TNPO1: variants seen among roughly 807,000 people sequenced by gnomAD.
TNPO1 encodes the protein transportin-1.
A neutral mutation model predicts 119.5 loss-of-function variants in TNPO1; 8 were observed. The ratio of observed to expected loss-of-function variants is 0.07; its 90% CI spans 0.04 to 0.12. The LOEUF (loss-of-function observed/expected upper bound fraction) is 0.12. TNPO1 is among the 10% of genes least tolerant of loss of function. The pLI is 1.00. For synonymous variants in TNPO1, 362 were observed against 363.0 expected (o/e 1.00, Z 0.03); for missense variants, 576 against 1,089.8 (o/e 0.53, Z 6.64).
chr5:72,842,113 A>G (rs1744941441), intron 1 of TNPO1, among the ~76,000 whole-genome samples: 1 of 152,348 alleles, frequency 6.6e-6, no homozygotes, highest in East Asian at 1.9e-4. Context: ...ATATTGTCAT[A>G]CTATATACAT....
At chr5:72,875,230 G>C (rs1747674578) in intron 7 of TNPO1, among the ~76,000 whole-genome samples, 1 of 152,154 alleles carries the variant, frequency 6.6e-6, no homozygotes, top group African/African-American at 2.4e-5. Context: ...TATTGAATCT[G>C]TATCACCTTT....
intron 8 of TNPO1, 113 bp downstream of exon 8, chr5:72,875,850 T>A: frequency 8.1e-7 from 1 of 1,236,770 alleles, no homozygotes; most frequent in Non-Finnish European, 1.1e-6. Flanking sequence ...ATAATTGTCT[T>A]AAAATTATAA....
intron 1 of TNPO1, among the ~76,000 whole-genome samples, chr5:72,827,377 T>C (rs1486924094): frequency 6.6e-6 from 1 of 152,140 alleles, no homozygotes; most frequent in Non-Finnish European, 1.5e-5. Flanking sequence ...AATTACAGAT[T>C]TAATAATTAC....
intron 1 of TNPO1, among the ~76,000 whole-genome samples, chr5:72,836,584 T>G (rs1744702525): frequency 6.6e-6 from 1 of 152,244 alleles, no homozygotes; most frequent in Non-Finnish European, 1.5e-5. Flanking sequence ...TTTTGGTTCA[T>G]TTGTTCATTG....
chr5:72,885,132 A>G (rs749860251), intron 11 of TNPO1, among the ~76,000 whole-genome samples: 1 of 152,240 alleles, frequency 6.6e-6, no homozygotes, highest in Non-Finnish European at 1.5e-5. Context: ...TTGCATGCAT[A>G]TCAAAGTCTG....
chr5:72,852,709 A>T (rs1057218774), intron 3 of TNPO1, among the ~76,000 whole-genome samples: 1 of 152,160 alleles, frequency 6.6e-6, no homozygotes, highest in Non-Finnish European at 1.5e-5. Flanking sequence ...TTGTATTCAG[A>T]TTTTCATAAT....
intron 6 of TNPO1, among the ~76,000 whole-genome samples, chr5:72,871,113 A>C (rs1747366317): frequency 6.6e-6 from 1 of 151,966 alleles, no homozygotes; most frequent in Non-Finnish European, 1.5e-5. Flanking sequence ...AATAGCTGGG[A>C]TTACAGGCAT....
At chr5:72,898,595 C>T (rs1749609308) in intron 20 of TNPO1, among the ~76,000 whole-genome samples, 1 of 152,048 alleles carries the variant, frequency 6.6e-6, no homozygotes, top group Non-Finnish European at 1.5e-5. Context: ...TAGATTTTAG[C>T]AGCTTTTAAT....
intron 2 of TNPO1, 143 bp downstream of exon 2, chr5:72,848,641 G>A (rs369716): frequency 4.5e-5 from 14 of 309,570 alleles, no homozygotes; most frequent in Non-Finnish European, 7.4e-5. Flanking sequence ...GTCCGGGCGC[G>A]GGGGAAGCCG....
In TNPO1 at chr5:72,913,524, T is replaced by G. The variant is rs1177356251; in HGVS notation, c.*4851T>G. ...TGATTTTTTTTCACCTCTTGTACAT[T>G]TTAAAACCAGGCCAAATCTATTTGC... On this transcript the variant is annotated 3_prime_UTR_variant, in exon 25 of 25. Coordinates refer to ENST00000337273, the MANE Select transcript of TNPO1 (RefSeq NM_002270.4). The G allele has an allele frequency of 6.6e-6, 1 of 152,516 alleles. No individual in the cohort carries two copies. Among genetic ancestry groups the G allele is most frequent in the African/African-American group, 2.4e-5 (1 of 41,450 alleles). 9.4% of individuals were successfully genotyped at this position (152,516 alleles called of 1,614,324 possible).
Position 72,914,243 on chromosome 5 carries a change from G to A in TNPO1, c.*5570G>A, listed in dbSNP as rs1030717991. Reference sequence around the variant, plus strand: ...GATAAGCTGCTGAATTTTAAAGAGAGTTTTTTGGGGCCACCAAATATTTTG... The same window carrying A: ...GATAAGCTGCTGAATTTTAAAGAGAATTTTTTGGGGCCACCAAATATTTTG... On this transcript the variant is annotated 3_prime_UTR_variant, in exon 25 of 25. Transcript: ENST00000337273. 6.6e-6 allele frequency: 1 copy of A among 152,516 alleles called. No homozygotes were observed. Among genetic ancestry groups the A allele is most frequent in the African/African-American group, 2.4e-5 (1 of 41,416 alleles). 9.4% of individuals were successfully genotyped at this position (152,516 alleles called of 1,614,324 possible). A position where few individuals can be genotyped will look rare whatever the true frequency, so the allele number is the denominator to read the frequency against.
intron 3 of TNPO1, among the ~76,000 whole-genome samples, chr5:72,851,961 G>T (rs1461194777): frequency 6.6e-6 from 1 of 152,118 alleles, no homozygotes; most frequent in African/African-American, 2.4e-5. Flanking sequence ...GAATATGTGT[G>T]TTTTTTGTAG....
chr5:72,828,085 A>C (rs985336026), intron 1 of TNPO1, among the ~76,000 whole-genome samples: 1 of 152,134 alleles, frequency 6.6e-6, no homozygotes, highest in Non-Finnish European at 1.5e-5. Flanking sequence ...AAGGGGGTCT[A>C]GGATATTGAG....
At chr5:72,906,451 C>G (rs1363746052) in intron 24 of TNPO1, among the ~76,000 whole-genome samples, 1 of 151,876 alleles carries the variant, frequency 6.6e-6, no homozygotes, top group Admixed American at 6.6e-5. Flanking sequence ...GCCACCATGC[C>G]TGGCTAATTT....
intron 6 of TNPO1, among the ~76,000 whole-genome samples, chr5:72,866,437 C>T (rs34669): frequency 0.63 from 95,778 of 152,062 alleles, 31,306 homozygotes; most frequent in East Asian, 0.75. Flanking sequence ...ATACATACTT[C>T]ACTTTTTGTG....
chr5:72,857,781 A>C (rs1475586175), intron 4 of TNPO1, among the ~76,000 whole-genome samples: 1 of 152,182 alleles, frequency 6.6e-6, no homozygotes, highest in African/African-American at 2.4e-5. Context: ...AAACTACAAT[A>C]CTCTGTGTCT....
intron 23 of TNPO1, among the ~76,000 whole-genome samples, chr5:72,904,007 A>G (rs1289001311): frequency 2.0e-5 from 3 of 152,254 alleles, no homozygotes; most frequent in African/African-American, 7.2e-5. Context: ...TATTTTCCCA[A>G]GTGTACCACT....
chr5:72,896,287 C>T (rs923297596), intron 18 of TNPO1, among the ~76,000 whole-genome samples, 171 bp from the exon 19 acceptor site: 1 of 152,102 alleles, frequency 6.6e-6, no homozygotes, highest in South Asian at 2.1e-4. Flanking sequence ...TTTTTAAATA[C>T]AGTTGCCTAG....
intron 6 of TNPO1, among the ~76,000 whole-genome samples, chr5:72,866,470 A>G (rs1344288450): frequency 6.6e-6 from 1 of 152,216 alleles, no homozygotes; most frequent in East Asian, 1.9e-4. Context: ...TAATAAAAAA[A>G]CAGCTGGGCC....
Sources: gnomAD v4.1 joint callset for allele counts (sites outside exome capture counted in the v4.1 genomes callset) on GRCh38, gnomAD v4.1.1 for gene constraint, MANE v1.5 for transcripts, NCBI Gene and HGNC (gene_info 2026-07-23, HGNC 2026-07-21) for gene names.